OPCML: variants seen among roughly 807,000 people sequenced by gnomAD.
OPCML encodes the protein opioid binding protein/cell adhesion molecule like.
In OPCML, 13 loss-of-function variants were observed where a neutral mutation model predicts 37.8. The ratio of observed to expected loss-of-function variants is 0.34; its 90% CI spans 0.22 to 0.55. The LOEUF (loss-of-function observed/expected upper bound fraction) is 0.55. Among genes scored for constraint, OPCML ranks in the 20% least tolerant of loss-of-function variants. The probability of loss-of-function intolerance (pLI) is 0.91; values close to 1 mark genes in which losing one functional copy is unlikely to be tolerated. For synonymous variants in OPCML, 176 were observed against 168.8 expected (o/e 1.04, Z -0.33); for missense variants, 341 against 435.6 (o/e 0.78, Z 1.93).
intron 4 of OPCML, among the ~76,000 whole-genome samples, chr11:132,474,558 T>C (rs2136976077): frequency 6.6e-6 from 1 of 152,278 alleles, no homozygotes; most frequent in South Asian, 2.1e-4. Context: ...CAAGATTGAA[T>C]GTGTTCTCAG....
intron 1 of OPCML, among the ~76,000 whole-genome samples, chr11:133,282,902 G>C (rs1942197361): frequency 6.6e-6 from 1 of 152,174 alleles, no homozygotes; most frequent in African/African-American, 2.4e-5. Context: ...GTGGCCTACT[G>C]CCCCTTCCTG....
chr11:132,902,317 A>G (rs1455626317), intron 2 of OPCML, among the ~76,000 whole-genome samples: 2 of 152,198 alleles, frequency 1.3e-5, no homozygotes, highest in Admixed American at 1.3e-4. Context: ...CACAGTTAAT[A>G]GTGCAATTAG....
chr11:133,118,233 A>G (rs1949366389), intron 1 of OPCML: 1 of 985,266 alleles, frequency 1.0e-6, no homozygotes, highest in Non-Finnish European at 1.2e-6. Flanking sequence ...CTCTACTGAC[A>G]TAGCTGGGAT....
At chr11:132,883,987 T>G (rs920516408) in intron 2 of OPCML, among the ~76,000 whole-genome samples, 1 of 152,134 alleles carries the variant, frequency 6.6e-6, no homozygotes, top group African/African-American at 2.4e-5. Flanking sequence ...GGTGGAACAT[T>G]CAAGAAGAAA....
At chr11:132,785,046 A>C (rs185848662) in intron 2 of OPCML, among the ~76,000 whole-genome samples, 1 of 152,330 alleles carries the variant, frequency 6.6e-6, no homozygotes, top group Non-Finnish European at 1.5e-5. Flanking sequence ...ATACTCCCAG[A>C]GGTTACACAC....
At chr11:133,119,355 C>A (rs1949386107) in intron 1 of OPCML, among the ~76,000 whole-genome samples, 1 of 150,158 alleles carries the variant, frequency 6.7e-6, no homozygotes, top group African/African-American at 2.5e-5. Flanking sequence ...ATTTGGAATT[C>A]TACTATTTCA....
chr11:132,766,137 G>C (rs945383261), intron 2 of OPCML, among the ~76,000 whole-genome samples: 3 of 151,150 alleles, frequency 2.0e-5, no homozygotes, highest in Admixed American at 6.6e-5. Flanking sequence ...AAAGGGGAAA[G>C]TTCTTCCTTA....
At chr11:132,789,247 G>C (rs2136173745) in intron 2 of OPCML, among the ~76,000 whole-genome samples, 1 of 152,284 alleles carries the variant, frequency 6.6e-6, no homozygotes, top group African/African-American at 2.4e-5. Context: ...TTTATTTCAT[G>C]TCTGGCTTCA....
chr11:132,520,674 A>ATATATATG lies in OPCML; in HGVS notation c.505+8386_505+8387insCATATATA, dbSNP rs10630619. Among the ~76,000 whole-genome samples the ATATATATG allele has an allele frequency of 2.8e-3, 357 of 128,094 alleles. 3 individuals carry two copies. The highest frequency in any genetic ancestry group is 3.1e-3 in the Non-Finnish European group (184 of 59,272). The allele number at this position is 128,094 out of a possible 152,430, so 84.0% of individuals were successfully genotyped here. A position where few individuals can be genotyped will look rare whatever the true frequency, so the allele number is the denominator to read the frequency against. On this transcript the variant is annotated intron_variant, in intron 4 of 7. Transcript: ENST00000524381. ...TGTCATCTTATGTAACTAAATATAT[A>ATATATATG]TGTGTGTGTGTGTGTGTGTGTGTGT...
At chr11:133,100,894 T>C (rs771773414) in intron 1 of OPCML, among the ~76,000 whole-genome samples, 3 of 152,180 alleles carry the variant, frequency 2.0e-5, no homozygotes, top group Non-Finnish European at 2.9e-5. Context: ...CTAGATGACC[T>C]TGGATACAAC....
chr11:132,473,862 G>A (rs899184334), intron 4 of OPCML, among the ~76,000 whole-genome samples: 2 of 152,088 alleles, frequency 1.3e-5, no homozygotes, highest in Admixed American at 6.6e-5. Context: ...GTAAAGGAAT[G>A]GCTTTACATA....
intron 1 of OPCML, among the ~76,000 whole-genome samples, chr11:133,349,523 A>G (rs1307215875): frequency 6.6e-6 from 1 of 152,192 alleles, no homozygotes; most frequent in Non-Finnish European, 1.5e-5. Context: ...GCATGGTGAT[A>G]CCCTATACTT....
chr11:132,747,196 T>C (rs1224765684), intron 2 of OPCML, among the ~76,000 whole-genome samples: 7 of 152,148 alleles, frequency 4.6e-5, no homozygotes, highest in Non-Finnish European at 1.0e-4. Flanking sequence ...ACCAAAGAGA[T>C]AACTAGGAGC....
chr11:133,274,734 C>A (rs1020592804), intron 1 of OPCML, among the ~76,000 whole-genome samples: 1 of 152,204 alleles, frequency 6.6e-6, no homozygotes, highest in East Asian at 1.9e-4. Flanking sequence ...TACGGCCAGG[C>A]GGCCTCTATG....
intron 1 of OPCML, among the ~76,000 whole-genome samples, chr11:133,531,501 G>C (rs559289363): frequency 2.6e-5 from 4 of 152,256 alleles, no homozygotes; most frequent in African/African-American, 9.6e-5. Flanking sequence ...TATTCCTGAC[G>C]TAAGGAACAG....
intron 1 of OPCML, among the ~76,000 whole-genome samples, chr11:133,185,769 T>C (rs12417211): frequency 0.14 from 21,233 of 152,200 alleles, 1,768 homozygotes; most frequent in Middle Eastern, 0.19. Flanking sequence ...TTTATGCCTA[T>C]CCTTCCTTGC....
intron 1 of OPCML, among the ~76,000 whole-genome samples, chr11:133,531,744 G>GGAGAGAGAGA (rs10567773): frequency 2.6e-4 from 36 of 137,250 alleles, no homozygotes; most frequent in East Asian, 2.0e-3. Context: ...AGGTGGAGAG[G>GGAGAGAGAGA]GAGAGAGAGA....
chr11:133,033,128 T>C (rs1017882690), intron 1 of OPCML, among the ~76,000 whole-genome samples: 11 of 152,232 alleles, frequency 7.2e-5, no homozygotes, highest in Non-Finnish European at 2.9e-5. Flanking sequence ...AAAGGCTCTT[T>C]CATCTTTTAA....
intron 1 of OPCML, among the ~76,000 whole-genome samples, chr11:133,475,393 TCCAA>T (rs1947218927): frequency 6.6e-6 from 1 of 152,120 alleles, no homozygotes; most frequent in Non-Finnish European, 1.5e-5. Flanking sequence ...TTTCTCCTCC[TCCAA>T]CCATTTTCTA....
Sources: allele counts gnomAD v4.1 joint callset (sites outside exome capture counted in the v4.1 genomes callset), GRCh38; gene constraint gnomAD v4.1.1; transcripts MANE v1.5; gene names NCBI Gene and HGNC (gene_info 2026-07-23, HGNC 2026-07-21).